Variants in GOPC observed in about 807,000 individuals in gnomAD.
The protein encoded by GOPC is Golgi-associated PDZ and coiled-coil motif-containing protein.
GOPC carries 32 observed loss-of-function variants against 51.2 expected under a neutral mutation model. The ratio of observed to expected loss-of-function variants is 0.63; its 90% CI spans 0.47 to 0.84. The LOEUF is 0.84. Among genes scored for constraint, GOPC ranks in the 40% least tolerant of loss-of-function variants. The pLI, the probability that GOPC is intolerant of heterozygous loss-of-function variation, is 0.00. For missense variants in GOPC, 441 were observed against 555.5 expected (o/e 0.79, Z 2.07); for synonymous variants, 190 against 205.1 (o/e 0.93, Z 0.63).
At chr6:117,590,565 CT>C (rs1230322236) in intron 1 of GOPC, among the ~76,000 whole-genome samples, 8 of 124,618 alleles carry the variant, frequency 6.4e-5, no homozygotes, top group Non-Finnish European at 9.6e-5. Context: ...GAGTGGGACC[CT>C]GTCTCAAAAA....
chr6:117,573,012 C>G (rs1779829898), intron 5 of GOPC, among the ~76,000 whole-genome samples: 1 of 152,158 alleles, frequency 6.6e-6, no homozygotes. Flanking sequence ...CTACAGATCT[C>G]AAATTCTATC....
At chr6:117,584,850 T>G (rs1331428806) in intron 1 of GOPC, among the ~76,000 whole-genome samples, 1 of 151,372 alleles carries the variant, frequency 6.6e-6, no homozygotes, top group East Asian at 1.9e-4. Flanking sequence ...TCATACGAGA[T>G]CTGGTTGTTG....
intron 7 of GOPC, among the ~76,000 whole-genome samples, chr6:117,568,298 T>C (rs1441158984): frequency 6.6e-6 from 1 of 152,090 alleles, no homozygotes; most frequent in Non-Finnish European, 1.5e-5. Flanking sequence ...TACATATAAG[T>C]GTGGTGTTGG....
At chr6:117,585,466 T>C (rs2114620128) in intron 1 of GOPC, among the ~76,000 whole-genome samples, 1 of 152,274 alleles carries the variant, frequency 6.6e-6, no homozygotes, top group South Asian at 2.1e-4. Context: ...TAGCATGCCA[T>C]AGAGCTCTTT....
intron 2 of GOPC, among the ~76,000 whole-genome samples, chr6:117,578,413 G>A (rs1419396561): frequency 2.0e-5 from 3 of 152,224 alleles, no homozygotes; most frequent in Middle Eastern, 3.4e-3. Context: ...AAATCCTGAG[G>A]ATGGAAACCA....
At chr6:117,583,962 T>C (rs1583059557) in intron 1 of GOPC, among the ~76,000 whole-genome samples, 2 of 152,256 alleles carry the variant, frequency 1.3e-5, no homozygotes, top group African/African-American at 4.8e-5. Context: ...GCAGCACATA[T>C]AGCATTCAAT....
rs117266429 is a variant in GOPC, at chr6:117,574,232, C to T, written c.651-600G>A. Reference sequence around the variant, plus strand: ...CACCACTGCACTCCATCCTGAGCGACAGAGTGAGACCCCATCTCACAAAAT... The same window carrying T: ...CACCACTGCACTCCATCCTGAGCGATAGAGTGAGACCCCATCTCACAAAAT... On this transcript the variant is annotated intron_variant, in intron 4 of 8. Coordinates refer to ENST00000368498, the MANE Select transcript of GOPC (RefSeq NM_020399.4). Among the ~76,000 whole-genome samples, 68 of 150,182 alleles carry T rather than the reference C, an allele frequency of 4.5e-4. 1 individual carries two copies. In the East Asian group the frequency reaches 0.012, roughly 26 times the overall value.
chr6:117,591,026 A>G (rs967566308), intron 1 of GOPC, among the ~76,000 whole-genome samples: 16 of 152,116 alleles, frequency 1.1e-4, no homozygotes, highest in Middle Eastern at 3.4e-3. Flanking sequence ...CTAATTTTGT[A>G]TATTTAGTAG....
In GOPC at chr6:117,560,763, A is replaced by T. The variant is rs1779569480; in HGVS notation, c.*2491T>A. ...TGTAAATATATACACGCACACATACAACCCTCACATTTTATTAAAACGTTT... is the reference window on the plus strand; with the variant it reads ...TGTAAATATATACACGCACACATACTACCCTCACATTTTATTAAAACGTTT... On this transcript the variant is annotated 3_prime_UTR_variant, in exon 9 of 9. Coordinates refer to ENST00000368498, the MANE Select transcript of GOPC (RefSeq NM_020399.4). The T allele has an allele frequency of 4.8e-6, 1 of 208,400 alleles. No individual in the cohort carries two copies. Among genetic ancestry groups the T allele is most frequent in the South Asian group, 1.9e-4 (1 of 5,306 alleles). The allele number at this position is 208,400 out of a possible 1,614,324, so 12.9% of individuals were successfully genotyped here. A position where few individuals can be genotyped will look rare whatever the true frequency, so the allele number is the denominator to read the frequency against.
In GOPC at chr6:117,575,371, C is replaced by G. The variant is rs73516439; in HGVS notation, c.475-19G>C. On this transcript the variant is annotated intron_variant, in intron 3 of 8. Coordinates refer to ENST00000368498, the MANE Select transcript of GOPC (RefSeq NM_020399.4). Reference sequence around the variant, plus strand: ...CTCTTTCCTATGTAATTTTTAAAAGCATATAATTTAATGAAAATAAAAACT... The same window carrying G: ...CTCTTTCCTATGTAATTTTTAAAAGGATATAATTTAATGAAAATAAAAACT... The G allele has an allele frequency of 3.6e-4, 561 of 1,547,424 alleles. No homozygotes were observed. The African/African-American group carries it at 7.0e-3, about 19-fold the overall frequency.
At position 117,563,244 on chromosome 6, in the gene GOPC, T is replaced by A. The variant is rs754349715; in HGVS notation, c.*10A>T. 5.6e-6 allele frequency: 9 copies of A among 1,610,282 alleles called. No homozygotes were observed. The highest frequency in any genetic ancestry group is 7.6e-6 in the Non-Finnish European group (9 of 1,177,098). On this transcript the variant is annotated 3_prime_UTR_variant, in exon 9 of 9. Transcript: ENST00000368498. ...TCTGATTAACAATCTTGTCTGGAGATATGGTCAATTTAATAAGATTTTTTA... is the reference window on the plus strand; with the variant it reads ...TCTGATTAACAATCTTGTCTGGAGAAATGGTCAATTTAATAAGATTTTTTA...
chr6:117,570,963 G>C lies in GOPC; in HGVS notation c.817-8C>G. 6.8e-7 allele frequency: 1 copy of C among 1,479,496 alleles called. No individual in the cohort carries two copies. The highest frequency in any genetic ancestry group is 9.3e-7 in the Non-Finnish European group (1 of 1,070,936). 91.6% of individuals were successfully genotyped at this position (1,479,496 alleles called of 1,614,324 possible). ...CTTTAGGGAATCTTGATCCTTATTG[G>C]GAGGAAAAAAGAAGAAAAAGTAGTA... On this transcript the variant is annotated splice_region_variant and splice_polypyrimidine_tract_variant and intron_variant, in intron 5 of 8. Transcript: ENST00000368498.
At position 117,578,932 on chromosome 6, in the gene GOPC, T is replaced by C. The variant is rs1779921096; in HGVS notation, c.418A>G (p.Ser140Gly). 4.4e-6 allele frequency: 7 copies of C among 1,607,316 alleles called. No homozygotes were observed. The highest frequency in any genetic ancestry group is 5.9e-6 in the Non-Finnish European group (7 of 1,177,666). ...QLQLHAKTGQSADSGTIKAKL... is the reference protein window; with the variant it reads ...QLQLHAKTGQGADSGTIKAKL... Reference sequence around the variant, plus strand: ...GCCTTAATGGTACCAGAGTCAGCACTTTGACCAGTTTTAGCATGAAGCTGC... The same window carrying C: ...GCCTTAATGGTACCAGAGTCAGCACCTTGACCAGTTTTAGCATGAAGCTGC... The change falls in exon 2 of 9, where the codon AGT becomes GGT. Residue 140 changes from serine to glycine, a missense_variant. Coordinates refer to ENST00000368498, the MANE Select transcript of GOPC (RefSeq NM_020399.4).
chr6:117,568,728 C>T (rs1244725463), intron 7 of GOPC, among the ~76,000 whole-genome samples: 1 of 152,150 alleles, frequency 6.6e-6, no homozygotes. Flanking sequence ...TGAGAAAAAG[C>T]TTTCTAAAAA....
At chr6:117,589,880 T>C (rs1481086963) in intron 1 of GOPC, among the ~76,000 whole-genome samples, 1 of 152,216 alleles carries the variant, frequency 6.6e-6, no homozygotes, top group Admixed American at 6.5e-5. Flanking sequence ...ACTAAATCCA[T>C]ACTCAATATT....
chr6:117,592,060 G>A (rs952030451), intron 1 of GOPC, among the ~76,000 whole-genome samples: 4 of 152,146 alleles, frequency 2.6e-5, no homozygotes, highest in African/African-American at 9.6e-5. Context: ...AAACTTCCTA[G>A]GGCTGTTACA....
chr6:117,598,763 G>A (rs565055005), intron 1 of GOPC, among the ~76,000 whole-genome samples: 2 of 152,162 alleles, frequency 1.3e-5, no homozygotes, highest in South Asian at 2.1e-4. Context: ...AAGAAGCCAC[G>A]GACCAGTACT....
rs1779607144 is a variant in GOPC at position 117,562,587 on chromosome 6, AGT to A, written c.*665_*666del. On this transcript the variant is annotated 3_prime_UTR_variant, in exon 9 of 9. Transcript: ENST00000368498. Reference sequence around the variant, plus strand: ...AAAAAACAAAAAAAGTAAAATGTTTAGTAACTTTTGAGAATCTATTTCTAGTG... The same window carrying A: ...AAAAAACAAAAAAAGTAAAATGTTTAAACTTTTGAGAATCTATTTCTAGTG... 1 of 202,386 alleles carries A rather than the reference AGT, an allele frequency of 4.9e-6. No homozygotes were observed. Among genetic ancestry groups the A allele is most frequent in the African/African-American group, 2.3e-5 (1 of 43,674 alleles). 12.5% of individuals were successfully genotyped at this position (202,386 alleles called of 1,614,324 possible). A position where few individuals can be genotyped will look rare whatever the true frequency, so the allele number is the denominator to read the frequency against.
At chr6:117,564,359 T>C (rs1779650823) in intron 8 of GOPC, among the ~76,000 whole-genome samples, 1 of 152,228 alleles carries the variant, frequency 6.6e-6, no homozygotes, top group Admixed American at 6.5e-5. Flanking sequence ...GTGAATTATA[T>C]TTTTATTTTT....
Sources: allele counts gnomAD v4.1 joint callset (sites outside exome capture counted in the v4.1 genomes callset), GRCh38; gene constraint gnomAD v4.1.1; transcripts MANE v1.5; gene names NCBI Gene and HGNC (gene_info 2026-07-23, HGNC 2026-07-21).